CLPTM1L: variants seen among roughly 807,000 people sequenced by gnomAD.
CLPTM1L encodes the protein lipid scramblase CLPTM1L.
CLPTM1L carries 38 observed loss-of-function variants against 70.9 expected under a neutral mutation model. That is an observed-to-expected ratio of 0.54 (90% CI 0.41 to 0.70). The LOEUF (loss-of-function observed/expected upper bound fraction) is 0.70. Among genes scored for constraint, CLPTM1L ranks in the 30% least tolerant of loss-of-function variants. The probability of loss-of-function intolerance (pLI) is 0.00; values close to 1 mark genes in which losing one functional copy is unlikely to be tolerated. For synonymous variants in CLPTM1L, 339 were observed against 299.9 expected, an observed-to-expected ratio of 1.13 and a Z score of -1.35; for missense variants, 652 against 705.9, an observed-to-expected ratio of 0.92 and a Z score of 0.87.
In CLPTM1L at chr5:1,325,761, G is replaced by A. The variant is rs2126727788; in HGVS notation, c.1136C>T (p.Pro379Leu). The A allele has an allele frequency of 6.2e-7, 1 of 1,613,448 alleles. No homozygotes were observed. Among genetic ancestry groups the A allele is most frequent in the East Asian group, 2.2e-5 (1 of 44,874 alleles). ...KMTIFWRGLM[P>L]EFQFGTYSES... ...ACAACTAAATCCTACCTGAAATTCG[G>A]GCATCAGGCCTCTCCAAAAAATAGT... The change falls in exon 10 of 17, where the codon CCC becomes CTC. Residue 379 changes from proline (P) to leucine (L), a missense_variant. Coordinates refer to ENST00000320895, the MANE Select transcript of CLPTM1L (RefSeq NM_030782.5).
intron 15 of CLPTM1L, among the ~76,000 whole-genome samples, chr5:1,321,328 C>T (rs1337837263): frequency 2.0e-5 from 3 of 152,210 alleles, no homozygotes; most frequent in African/African-American, 7.2e-5. Flanking sequence ...CCCCAGGCAC[C>T]GGTTACTGAG....
Position 1,342,906 on chromosome 5 carries a change from C to T in CLPTM1L, c.264-1046G>A, listed in dbSNP as rs151141374. ...GCCCGGCCTCTCCTTAAAAATCTTA[C>T]GGTTGGCCGGGTGCGGCGGCTCACG... is the stretch of plus-strand genomic sequence containing the variant. On this transcript the variant is annotated intron_variant, in intron 2 of 16. Coordinates refer to ENST00000320895, the MANE Select transcript of CLPTM1L (RefSeq NM_030782.5). This position sits in a 1 kb window ranked among gnomAD's most constrained non-coding sequence, Gnocchi z 4.3. 1.5e-4 allele frequency among the ~76,000 whole-genome samples: 23 copies of T among 152,226 alleles called. No homozygotes were observed. In the East Asian group the frequency reaches 3.7e-3, roughly 24 times the overall value.
intron 10 of CLPTM1L, chr5:1,325,151 C>T (rs567809163): frequency 3.9e-5 from 15 of 383,506 alleles, no homozygotes; most frequent in South Asian, 2.3e-4. Context: ...ACCAGCCGGC[C>T]GGGAGCCATG....
rs540082390 is a variant in CLPTM1L, at chr5:1,330,377, C to G, written c.983G>C (p.Trp328Ser). ...MIGMSTKAVL[W>S]RCFSTVVIFL... ...GATGACCACGGTGCTGAAGCAGCGC[C>G]AGAGCACTGGGGACAGGATGGTCGG... The change falls in exon 9 of 17, where the codon TGG (tryptophan) becomes TCG (serine). Residue 328 changes from tryptophan to serine, a missense_variant. Physicochemically the swap from Trp to Ser is radical, Grantham distance 177. This residue lies in a region of CLPTM1L where 240 missense variants were observed against 295.0 expected (regional missense o/e 0.81). Transcript: ENST00000320895. 1.9e-5 allele frequency: 31 copies of G among 1,612,798 alleles called. No homozygotes were observed. In the Admixed American group the frequency reaches 3.8e-4, roughly 20 times the overall value.
In CLPTM1L at chr5:1,337,950, G is replaced by C. The variant is rs747394496; in HGVS notation, c.632C>G (p.Pro211Arg). The C allele has an allele frequency of 6.2e-7, 1 of 1,608,162 alleles. No individual in the cohort carries two copies. Among genetic ancestry groups the C allele is most frequent in the Non-Finnish European group, 8.5e-7 (1 of 1,178,254 alleles). Residue 211 changes from proline (P) to arginine (R), a missense_variant, in exon 5 of 17, where the codon CCC becomes CGC. Pro to Arg is a moderately radical substitution (Grantham distance 103, BLOSUM62 -2). Coordinates refer to ENST00000320895, the MANE Select transcript of CLPTM1L (RefSeq NM_030782.5). ...GCTGAGCTGGTCGATGAACAGGATG[G>C]GCAGGTAATGCACGGTTTTCCCCAG... The part of the protein sequence containing the change: ...IQLGKTVHYL[P>R]ILFIDQLSNR...
chr5:1,325,888 A>G (rs1020534932), intron 9 of CLPTM1L, 72 bp from the exon 10 acceptor site: 6 of 1,311,930 alleles, frequency 4.6e-6, no homozygotes, highest in African/African-American at 4.3e-5. Context: ...CGACCCAGAC[A>G]GTAACGGGTA....
intron 9 of CLPTM1L, among the ~76,000 whole-genome samples, chr5:1,328,446 CAT>C: frequency 6.7e-6 from 1 of 148,538 alleles, no homozygotes; most frequent in African/African-American, 2.5e-5. Flanking sequence ...TCTACAGACA[CAT>C]TTCATCCAGC....
chr5:1,331,824 G>A lies in CLPTM1L; in HGVS notation c.951C>T (p.Ser317=). ...NDISFWKKKK[S]MIGMSTKAVL... is the part of the protein sequence containing the mutation. ...CTGCCTTGGTGGACATGCCGATCAT[G>A]CTCTTCTTCTTCTTCCAGAAACTGA... The change falls in exon 8 of 17, where the codon AGC becomes AGT. Residue 317 remains serine, a synonymous_variant. Transcript: ENST00000320895. 1.9e-6 allele frequency: 3 copies of A among 1,613,358 alleles called. No individual in the cohort carries two copies. The highest frequency in any genetic ancestry group is 1.7e-6 in the Non-Finnish European group (2 of 1,179,956).
intron 3 of CLPTM1L, among the ~76,000 whole-genome samples, 160 bp downstream of exon 3, chr5:1,341,511 T>C (rs759082423): frequency 6.6e-6 from 1 of 152,246 alleles, no homozygotes; most frequent in Non-Finnish European, 1.5e-5. Context: ...ATGATTCAGC[T>C]GAAAGTCAGA....
intron 10 of CLPTM1L, 106 bp downstream of exon 10, chr5:1,325,645 G>T: frequency 1.1e-6 from 1 of 883,290 alleles, no homozygotes; most frequent in Non-Finnish European, 1.9e-6. Flanking sequence ...CCCTGACAGA[G>T]GCCCGCAGTG....
In CLPTM1L at chr5:1,344,423, T is replaced by TGG; in HGVS notation, c.189_190dup (p.His64ProfsTer13). 6.2e-7 allele frequency: 1 copy of TGG among 1,613,698 alleles called. No individual in the cohort carries two copies. The highest frequency in any genetic ancestry group is 8.5e-7 in the Non-Finnish European group (1 of 1,179,900). On this transcript the variant is annotated frameshift_variant, in exon 2 of 17. Transcript: ENST00000320895. LOFTEE classifies it high-confidence loss of function. ...GTCGATGTTGTTCTCAGCACCCAGG[T>TGG]GGGACCTCGTCGTGGTGTACACGCT...
At chr5:1,334,740 C>G (rs186991891) in intron 6 of CLPTM1L, among the ~76,000 whole-genome samples, 1 of 151,036 alleles carries the variant, frequency 6.6e-6, no homozygotes, top group Admixed American at 6.6e-5. Context: ...GGCAACAGAG[C>G]GAGACTCTGT....
intron 3 of CLPTM1L, 26 bp downstream of exon 3, chr5:1,341,645 T>G: frequency 1.3e-6 from 2 of 1,574,222 alleles, no homozygotes; most frequent in South Asian, 2.3e-5. Context: ...CACAGCCTGT[T>G]ATCAGTAACC....
At chr5:1,338,022 C>T (rs531654903) in intron 4 of CLPTM1L, 40 bp from the exon 5 acceptor site, 7 of 1,519,764 alleles carry the variant, frequency 4.6e-6, no homozygotes, top group Non-Finnish European at 6.3e-6. Context: ...AGCACCAAGG[C>T]TTTTACCTTT....
Position 1,330,373 on chromosome 5 carries a change from G to C in CLPTM1L, c.987C>G (p.Arg329=), listed in dbSNP as rs775969701. The change falls in exon 9 of 17, where the codon CGC becomes CGG. Residue 329 remains arginine (R), a synonymous_variant. Coordinates refer to ENST00000320895, the MANE Select transcript of CLPTM1L (RefSeq NM_030782.5). ...IGMSTKAVLW[R]CFSTVVIFLF... ...GAAAGATGACCACGGTGCTGAAGCA[G>C]CGCCAGAGCACTGGGGACAGGATGG... 1.9e-6 allele frequency: 3 copies of C among 1,612,684 alleles called. No individual in the cohort carries two copies. The African/African-American group carries it at 4.0e-5, about 22-fold the overall frequency.
rs374265656 is a variant in CLPTM1L, at chr5:1,338,773, G to A, written c.599+87C>T. ...TGCCTCCCCACAGAGGGGACTCCAC[G>A]GTGCAGGAGTGACCTGCTGGCGAGT... On this transcript the variant is annotated intron_variant, in intron 4 of 16. Transcript: ENST00000320895. The A allele has an allele frequency of 2.2e-4, 322 of 1,497,658 alleles. 3 individuals are homozygous for A. In the African/African-American group the frequency reaches 3.4e-3, roughly 16 times the overall value. The allele number at this position is 1,497,658 out of a possible 1,614,324, so 92.8% of individuals were successfully genotyped here.
At chr5:1,325,960 G>T in intron 9 of CLPTM1L, 144 bp from the exon 10 acceptor site, 1 of 676,906 alleles carries the variant, frequency 1.5e-6, no homozygotes, top group Non-Finnish European at 2.6e-6. Flanking sequence ...CCACAGCTCA[G>T]GCCAGAGCGC....
At position 1,334,196 on chromosome 5, in the gene CLPTM1L, C is replaced by G. The variant is rs1252097309; in HGVS notation, c.891+93G>C. 10 of 860,546 alleles carry G rather than the reference C, an allele frequency of 1.2e-5. No homozygotes were observed. In the East Asian group the frequency reaches 2.5e-4, roughly 21 times the overall value. 53.3% of individuals were successfully genotyped at this position (860,546 alleles called of 1,614,324 possible). A position where few individuals can be genotyped will look rare whatever the true frequency, so the allele number is the denominator to read the frequency against. Reference sequence around the variant, plus strand: ...TTGAGGGCCACAGGGCTGGACGGCGCCCACAAACCCCAGGTCCAGGACCCC... The same window carrying G: ...TTGAGGGCCACAGGGCTGGACGGCGGCCACAAACCCCAGGTCCAGGACCCC... On this transcript the variant is annotated intron_variant, in intron 7 of 16. Coordinates refer to ENST00000320895, the MANE Select transcript of CLPTM1L (RefSeq NM_030782.5).
chr5:1,337,582 C>A (rs1022715557), intron 5 of CLPTM1L, among the ~76,000 whole-genome samples: 1 of 152,254 alleles, frequency 6.6e-6, no homozygotes, highest in African/African-American at 2.4e-5. Flanking sequence ...CACGCAGACG[C>A]TGTTTCACAC....
Sources: allele counts gnomAD v4.1 joint callset (sites outside exome capture counted in the v4.1 genomes callset), GRCh38; gene constraint gnomAD v4.1.1; regional missense constraint gnomAD v4.1.1; non-coding constraint Gnocchi (gnomAD v3.1); transcripts MANE v1.5; gene names NCBI Gene and HGNC (gene_info 2026-07-23, HGNC 2026-07-21).